Variants in UBR2 observed in about 807,000 individuals in gnomAD.
UBR2 encodes E3 ubiquitin-protein ligase UBR2.
In UBR2, 92 loss-of-function variants were observed where a neutral mutation model predicts 247.9. The observed-to-expected ratio is 0.37, with a 90% CI of 0.31 to 0.44. The LOEUF is 0.44. UBR2 is among the 20% of genes least tolerant of loss of function. The pLI is 1.00. For missense variants in UBR2, 1,613 were observed against 2,112.6 expected (o/e 0.76, Z 4.64); for synonymous variants, 672 against 693.5 (o/e 0.97, Z 0.49).
intron 31 of UBR2, among the ~76,000 whole-genome samples, chr6:42,663,055 C>CTT (rs11392975): frequency 1.7e-4 from 25 of 150,662 alleles, no homozygotes; most frequent in Non-Finnish European, 3.1e-4. Context: ...ACATGGCAGT[C>CTT]TTTTTTTTTA....
chr6:42,566,152 C>G (rs1006895541), intron 1 of UBR2, among the ~76,000 whole-genome samples: 7 of 151,772 alleles, frequency 4.6e-5, no homozygotes, highest in African/African-American at 1.7e-4. Flanking sequence ...TTCCGTTATC[C>G]CATTCTAAAA....
intron 44 of UBR2, among the ~76,000 whole-genome samples, chr6:42,686,378 G>C (rs1799397265): frequency 6.6e-6 from 1 of 151,690 alleles, no homozygotes. Flanking sequence ...ACATGTTTCA[G>C]AGAGCACGGG....
At chr6:42,578,635 T>C (rs140902611) in intron 2 of UBR2, among the ~76,000 whole-genome samples, 16 of 152,156 alleles carry the variant, frequency 1.1e-4, no homozygotes, top group African/African-American at 3.6e-4. Flanking sequence ...TCATATAAAT[T>C]ACTGAGCCAT....
intron 2 of UBR2, among the ~76,000 whole-genome samples, chr6:42,584,825 G>A (rs1792149591): frequency 6.6e-6 from 1 of 151,988 alleles, no homozygotes; most frequent in Admixed American, 6.5e-5. Flanking sequence ...AATACAGCTG[G>A]TTTCTGATAT....
rs373023187 is a variant in UBR2, at chr6:42,688,191, C to T, written c.4854-25C>T. The T allele has an allele frequency of 4.3e-6, 7 of 1,614,060 alleles. No homozygotes were observed. The African/African-American group carries it at 9.3e-5, about 22-fold the overall frequency. ...CTTTAGCCACTCTTTAGATCAATGA[C>T]TTGTGGGTTTTTTATCCCTTGGAGG... On this transcript the variant is annotated intron_variant, in intron 44 of 46. Coordinates refer to ENST00000372901, the MANE Select transcript of UBR2 (RefSeq NM_001363705.2).
chr6:42,689,560 T>C lies in UBR2; in HGVS notation c.5025-9T>C, dbSNP rs1049806233. The C allele has an allele frequency of 4.3e-6, 7 of 1,613,194 alleles. No homozygotes were observed. The highest frequency in any genetic ancestry group is 5.9e-6 in the Non-Finnish European group (7 of 1,179,194). On this transcript the variant is annotated splice_polypyrimidine_tract_variant and intron_variant, in intron 45 of 46. Transcript: ENST00000372901. This position sits in a 1 kb window ranked among gnomAD's most constrained non-coding sequence, Gnocchi z 4.0. Reference sequence around the variant, plus strand: ...GTAAATGTGTAACGTATGACTGATCTCTCTACAGAGTACGGGAATGTCAGG... The same window carrying C: ...GTAAATGTGTAACGTATGACTGATCCCTCTACAGAGTACGGGAATGTCAGG...
Position 42,633,983 on chromosome 6 carries a change from G to A in UBR2, c.1545+1079G>A, listed in dbSNP as rs555884350. 1.3e-4 allele frequency among the ~76,000 whole-genome samples: 19 copies of A among 151,638 alleles called. 1 individual carries two copies. The highest frequency in any genetic ancestry group is 4.2e-4 in the South Asian group (2 of 4,784). On this transcript the variant is annotated intron_variant, in intron 13 of 46. Coordinates refer to ENST00000372901, the MANE Select transcript of UBR2 (RefSeq NM_001363705.2). The stretch of plus-strand genomic sequence containing the variant: ...TGACCTCAAGTGATCCGCCCACCTC[G>A]GCCTCCCAATGTGCTGGGATTACAG...
Position 42,632,555 on chromosome 6 carries a change from C to G in UBR2, c.1285C>G (p.Arg429Gly). 2 of 1,596,066 alleles carry G rather than the reference C, an allele frequency of 1.3e-6. No homozygotes were observed. Among genetic ancestry groups the G allele is most frequent in the South Asian group, 1.1e-5 (1 of 87,872 alleles). The change falls in exon 12 of 47, where the codon CGA (arginine) becomes GGA (glycine). Residue 429 changes from arginine (R) to glycine (G), a missense_variant. Coordinates refer to ENST00000372901, the MANE Select transcript of UBR2 (RefSeq NM_001363705.2). ...CTCTGATAAACTTTGTTTTTAGGCT[C>G]GAATGCTCATCACAGAAGAAAACTT... Reference protein sequence around the residue: ...VQIFTVPSLARMLITEENLMS... With the variant: ...VQIFTVPSLAGMLITEENLMS...
chr6:42,633,305 A>G (rs73422523), intron 13 of UBR2, among the ~76,000 whole-genome samples: 3,551 of 152,154 alleles, frequency 0.023, 126 homozygotes, highest in African/African-American at 0.08. Flanking sequence ...TTTAATTGGA[A>G]ATTCTTAGAA....
At chr6:42,684,241 C>T (rs1799223603) in intron 43 of UBR2, among the ~76,000 whole-genome samples, 1 of 152,174 alleles carries the variant, frequency 6.6e-6, no homozygotes, top group Admixed American at 6.5e-5. Context: ...CCTAGCATGT[C>T]TGTCCCCTCA....
chr6:42,614,448 A>ATACGTATATATGTATGTATGTACATATT, intron 8 of UBR2, among the ~76,000 whole-genome samples: 1 of 143,244 alleles, frequency 7.0e-6, no homozygotes. Flanking sequence ...ACGTACATAT[A>ATACGTATATATGTATGTATGTACATATT]TATGTATGGA....
intron 10 of UBR2, 84 bp from the exon 11 acceptor site, chr6:42,617,325 C>G: frequency 1.9e-6 from 3 of 1,614,168 alleles, no homozygotes; most frequent in Non-Finnish European, 2.5e-6. Flanking sequence ...CAGTTCTTCA[C>G]CGCACCTACT....
intron 36 of UBR2, among the ~76,000 whole-genome samples, chr6:42,673,544 C>A (rs532332932): frequency 3.0e-4 from 45 of 152,298 alleles, no homozygotes; most frequent in Non-Finnish European, 6.5e-4. Context: ...ATTCTATATT[C>A]TTTTCTTTTC....
rs776729898 is a variant in UBR2, at chr6:42,564,277, G to C, written c.-43G>C. On this transcript the variant is annotated 5_prime_UTR_variant, in exon 1 of 47. Transcript: ENST00000372901. ...CCGCCGGGGCCGAGGTGAGGCTGCA[G>C]CTCTCCGGGCGGCGGTAGCGCTGGG... The C allele has an allele frequency of 1.3e-6, 2 of 1,586,898 alleles. No individual in the cohort carries two copies. The highest frequency in any genetic ancestry group is 1.7e-6 in the Non-Finnish European group (2 of 1,167,994).
chr6:42,613,841 ATTTTGCATGCTTG>A (rs1794243176), intron 8 of UBR2, among the ~76,000 whole-genome samples: 2 of 149,686 alleles, frequency 1.3e-5, no homozygotes, highest in Non-Finnish European at 3.0e-5. Context: ...TTTTTTTTTA[ATTTTGCATGCTTG>A]AAAAAGATGA....
chr6:42,673,534 A>T (rs941606259), intron 36 of UBR2, among the ~76,000 whole-genome samples: 1 of 152,148 alleles, frequency 6.6e-6, no homozygotes, highest in African/African-American at 2.4e-5. Flanking sequence ...AGATGCGTAT[A>T]TTCTATATTC....
At chr6:42,665,879 T>C (rs184408130) in intron 33 of UBR2, among the ~76,000 whole-genome samples, 2 of 152,138 alleles carry the variant, frequency 1.3e-5, no homozygotes, top group Admixed American at 6.5e-5. Flanking sequence ...ACTGCACTTA[T>C]GACCTTGTGG....
At chr6:42,668,167 T>C (rs1398370637) in intron 34 of UBR2, among the ~76,000 whole-genome samples, 1 of 152,224 alleles carries the variant, frequency 6.6e-6, no homozygotes, top group Non-Finnish European at 1.5e-5. Context: ...GGGGCACAGC[T>C]GTCACTTCTC....
At chr6:42,605,943 A>G in intron 6 of UBR2, 84 bp downstream of exon 6, 3 of 1,208,532 alleles carry the variant, frequency 2.5e-6, no homozygotes, top group Non-Finnish European at 1.1e-6. Context: ...TGAGTTAAAG[A>G]TATATATATC....
Sources: gnomAD v4.1 joint callset for allele counts (sites outside exome capture counted in the v4.1 genomes callset) on GRCh38, gnomAD v4.1.1 for gene constraint, Gnocchi (gnomAD v3.1) non-coding constraint, MANE v1.5 for transcripts, NCBI Gene and HGNC (gene_info 2026-07-23, HGNC 2026-07-21) for gene names.